The following GP5 variants were observed in gnomAD, a reference collection of about 807,000 sequenced individuals.
The protein encoded by GP5 is glycoprotein V platelet, also known as platelet glycoprotein V.
For synonymous variants in GP5, 382 were observed against 353.9 expected (o/e 1.08, Z -0.89); for missense variants, 755 against 737.1 (o/e 1.02, Z -0.28).
chr3:194,396,901 G>T lies in GP5; in HGVS notation c.1382C>A (p.Pro461Gln), dbSNP rs564652213. The T allele has an allele frequency of 4.6e-5, 69 of 1,508,232 alleles. No homozygotes were observed. The African/African-American group carries it at 5.6e-4, about 12-fold the overall frequency. 93.4% of individuals were successfully genotyped at this position (1,508,232 alleles called of 1,614,324 possible). The change falls in exon 2 of 2, where the codon CCG becomes CAG. Residue 461 changes from proline (P) to glutamine (Q), a missense_variant. Pro to Gln is a moderately conservative substitution (Grantham distance 76). Transcript: ENST00000692618. ...GTCACCCCCCGGCAGGGCCCAGAGC[G>T]GCAGGCCGGCGTGCGCCCCAGGGCC... ...CAGPGAHAGL[P>Q]LWALPGGDAE...
rs925498188 is a variant in GP5 at position 194,397,453 on chromosome 3, G to A, written c.830C>T (p.Pro277Leu). The stretch of plus-strand genomic sequence containing the variant: ...GAGCACCCCCGGGAGCTCTGCCAGC[G>A]GGTTCTCGAACAGAGTCAACAGAGT... Reference protein sequence around the residue: ...NLTLLTLFENPLAELPGVLFG... With the variant: ...NLTLLTLFENLLAELPGVLFG... Residue 277 changes from proline (P) to leucine (L), a missense_variant, in exon 2 of 2, where the codon CCG becomes CTG. Transcript: ENST00000692618. The surrounding 1 kb of genome is among the most constrained non-coding windows in gnomAD (Gnocchi z 7.2). 2 of 1,613,616 alleles carry A rather than the reference G, an allele frequency of 1.2e-6. No individual in the cohort carries two copies. Among genetic ancestry groups the A allele is most frequent in the African/African-American group, 2.7e-5 (2 of 74,922 alleles).
In GP5 at chr3:194,397,156, CGCA is replaced by C; in HGVS notation, c.1124_1126del (p.Leu375del). 1 of 1,583,022 alleles carries C rather than the reference CGCA, an allele frequency of 6.3e-7. No individual in the cohort carries two copies. The highest frequency in any genetic ancestry group is 1.1e-5 in the South Asian group (1 of 88,970). ...GCGGAAGAGGGCACGGGGCAGGGCG[CGCA>C]GCCTGTTGCGGCGCAGGGACACCTG... On this transcript the variant is annotated inframe_deletion, in exon 2 of 2. Transcript: ENST00000692618. The surrounding 1 kb of genome is among the most constrained non-coding windows in gnomAD (Gnocchi z 7.2).
In GP5 at chr3:194,397,659, A is replaced by G; in HGVS notation, c.624T>C (p.Ser208=). 6.2e-7 allele frequency: 1 copy of G among 1,614,136 alleles called. No homozygotes were observed. ...RLLLHSNRLV[S]LDSGLLNSLG... is the part of the protein sequence containing the mutation. Reference sequence around the variant, plus strand: ...GGCTGTTCAACAGCCCCGAATCCAGAGACACAAGGCGGTTCGAGTGGAGCA... The same window carrying G: ...GGCTGTTCAACAGCCCCGAATCCAGGGACACAAGGCGGTTCGAGTGGAGCA... Residue 208 remains serine (S), a synonymous_variant, in exon 2 of 2, where the codon TCT becomes TCC. Transcript: ENST00000692618. The surrounding 1 kb of genome is among the most constrained non-coding windows in gnomAD (Gnocchi z 7.2).
chr3:194,397,365 G>C lies in GP5; in HGVS notation c.918C>G (p.Pro306=). The C allele has an allele frequency of 6.2e-7, 1 of 1,606,564 alleles. No individual in the cohort carries two copies. Among genetic ancestry groups the C allele is most frequent in the Non-Finnish European group, 8.5e-7 (1 of 1,178,570 alleles). The change falls in exon 2 of 2, where the codon CCC becomes CCG. Residue 306 remains proline, a synonymous_variant. Transcript: ENST00000692618. The surrounding 1 kb of genome is among the most constrained non-coding windows in gnomAD (Gnocchi z 7.2). ...WLNRTQLRTL[P]AAAFRNLSRL... ...GGCTCAGGTTGCGGAAGGCGGCGGC[G>C]GGCAGGGTGCGCAGCTGGGTGCGGT...
rs1350254113 is a variant in GP5 at position 194,395,372 on chromosome 3, A to G, written c.*1228T>C. ...CAGCAGCTGAACTAGAATCAAGCTT[A>G]TCATTATATTCATGAATACCAGTCA... On this transcript the variant is annotated 3_prime_UTR_variant, in exon 2 of 2. Coordinates refer to ENST00000692618, the MANE Select transcript of GP5 (RefSeq NM_004488.2). 2 of 152,274 alleles carry G rather than the reference A, an allele frequency of 1.3e-5. No homozygotes were observed. Among genetic ancestry groups the G allele is most frequent in the South Asian group, 2.1e-4 (1 of 4,836 alleles). The allele number at this position is 152,274 out of a possible 1,614,324, so 9.4% of individuals were successfully genotyped here.
At position 194,398,023 on chromosome 3, in the gene GP5, G is replaced by C; in HGVS notation, c.260C>G (p.Ser87Cys). The change falls in exon 2 of 2, where the codon TCC becomes TGC. Residue 87 changes from serine to cysteine, a missense_variant. Physicochemically the swap from Ser to Cys is moderately radical, Grantham distance 112. Coordinates refer to ENST00000692618, the MANE Select transcript of GP5 (RefSeq NM_004488.2). ...ACTGAAGGTGCCGGGGGCAACGGCG[G>C]AAATGTGGCTGTCGGAGATCATGAG... is the stretch of plus-strand genomic sequence containing the variant. ...QRLMISDSHI[S>C]AVAPGTFSDL... 7 of 1,614,168 alleles carry C rather than the reference G, an allele frequency of 4.3e-6. No homozygotes were observed. Among genetic ancestry groups the C allele is most frequent in the Non-Finnish European group, 5.9e-6 (7 of 1,180,026 alleles).
Position 194,397,638 on chromosome 3 carries a change from G to A in GP5, c.645C>T (p.Asn215=). 6.2e-7 allele frequency: 1 copy of A among 1,614,118 alleles called. No homozygotes were observed. Among genetic ancestry groups the A allele is most frequent in the Non-Finnish European group, 8.5e-7 (1 of 1,179,978 alleles). ...GCAGCTCCGTCAGGGCGCCCAGGCT[G>A]TTCAACAGCCCCGAATCCAGAGACA... ...RLVSLDSGLL[N]SLGALTELQF... The change falls in exon 2 of 2, where the codon AAC becomes AAT. Residue 215 remains asparagine, a synonymous_variant. Coordinates refer to ENST00000692618, the MANE Select transcript of GP5 (RefSeq NM_004488.2). The surrounding 1 kb of genome is among the most constrained non-coding windows in gnomAD (Gnocchi z 7.2).
Position 194,395,086 on chromosome 3 carries a change from G to A in GP5, c.*1514C>T, listed in dbSNP as rs1176759170. ...GGGCTAAGTCATTATATGCTTTATT[G>A]CCTTTAATTCTCACAAAAACTCTAC... On this transcript the variant is annotated 3_prime_UTR_variant, in exon 2 of 2. Transcript: ENST00000692618. 6.6e-6 allele frequency: 1 copy of A among 152,110 alleles called. No homozygotes were observed. The highest frequency in any genetic ancestry group is 1.5e-5 in the Non-Finnish European group (1 of 68,034). The allele number at this position is 152,110 out of a possible 1,614,324, so 9.4% of individuals were successfully genotyped here. A position where few individuals can be genotyped will look rare whatever the true frequency, so the allele number is the denominator to read the frequency against.
In GP5 at chr3:194,397,196, C is replaced by A. The variant is rs772466637; in HGVS notation, c.1087G>T (p.Gly363Cys). Residue 363 changes from glycine (G) to cysteine (C), a missense_variant, in exon 2 of 2, where the codon GGC (glycine) becomes TGC (cysteine). Coordinates refer to ENST00000692618, the MANE Select transcript of GP5 (RefSeq NM_004488.2). The surrounding 1 kb of genome is among the most constrained non-coding windows in gnomAD (Gnocchi z 7.2). ...CGCAGGGACACCTGGCGCAGCTTGCCGAGGCCGCGCAGCAAGCCGTCGGGG... is the reference window on the plus strand; with the variant it reads ...CGCAGGGACACCTGGCGCAGCTTGCAGAGGCCGCGCAGCAAGCCGTCGGGG... The part of the protein sequence containing the change: ...ALPDGLLRGL[G>C]KLRQVSLRRN... 19 of 1,570,306 alleles carry A rather than the reference C, an allele frequency of 1.2e-5. No individual in the cohort carries two copies. The highest frequency in any genetic ancestry group is 1.5e-5 in the Non-Finnish European group (17 of 1,166,210).
Position 194,397,182 on chromosome 3 carries a change from C to T in GP5, c.1101G>A (p.Gln367=). 1 of 1,574,254 alleles carries T rather than the reference C, an allele frequency of 6.4e-7. No individual in the cohort carries two copies. Among genetic ancestry groups the T allele is most frequent in the Non-Finnish European group, 8.6e-7 (1 of 1,168,194 alleles). ...GLLRGLGKLR[Q]VSLRRNRLRA... is the part of the protein sequence containing the mutation. ...GCAGCCTGTTGCGGCGCAGGGACAC[C>T]TGGCGCAGCTTGCCGAGGCCGCGCA... The change falls in exon 2 of 2, where the codon CAG becomes CAA. Residue 367 remains glutamine, a synonymous_variant. Coordinates refer to ENST00000692618, the MANE Select transcript of GP5 (RefSeq NM_004488.2). This position sits in a 1 kb window ranked among gnomAD's most constrained non-coding sequence, Gnocchi z 7.2.
chr3:194,398,021 C>A lies in GP5; in HGVS notation c.262G>T (p.Ala88Ser), dbSNP rs1714513623. ...TCACTGAAGGTGCCGGGGGCAACGG[C>A]GGAAATGTGGCTGTCGGAGATCATG... ...RLMISDSHIS[A>S]VAPGTFSDLI... is the part of the protein sequence containing the mutation. Residue 88 changes from alanine (A) to serine (S), a missense_variant, in exon 2 of 2, where the codon GCC (alanine) becomes TCC (serine). Ala to Ser is a moderately conservative substitution (Grantham distance 99). Transcript: ENST00000692618. 3.1e-6 allele frequency: 5 copies of A among 1,614,118 alleles called. No homozygotes were observed. The East Asian group carries it at 1.1e-4, about 36-fold the overall frequency.
rs752627621 is a variant in GP5, at chr3:194,396,872, C to T, written c.1411G>A (p.Glu471Lys). ...GGCGGGCCCCGGGGGCCCGGGCACT[C>T]CGCGTCACCCCCCGGCAGGGCCCAG... ...PLWALPGGDA[E>K]CPGPRGPPPR... The change falls in exon 2 of 2, where the codon GAG becomes AAG. Residue 471 changes from glutamate to lysine, a missense_variant. Transcript: ENST00000692618. 3 of 1,539,194 alleles carry T rather than the reference C, an allele frequency of 1.9e-6. No individual in the cohort carries two copies. Among genetic ancestry groups the T allele is most frequent in the Admixed American group, 2.1e-5 (1 of 47,264 alleles).
chr3:194,396,443 GGGA>G lies in GP5; in HGVS notation c.*154_*156del. The G allele has an allele frequency of 1.6e-6, 1 of 617,642 alleles. No individual in the cohort carries two copies. Among genetic ancestry groups the G allele is most frequent in the Non-Finnish European group, 2.8e-6 (1 of 351,568 alleles). 38.3% of individuals were successfully genotyped at this position (617,642 alleles called of 1,614,324 possible). On this transcript the variant is annotated 3_prime_UTR_variant, in exon 2 of 2. Transcript: ENST00000692618. ...GAATGAAGAGCACAGAGCGGAGAGG[GGGA>G]GGAGGAGGGAAAGGAAGGCGTGGCA...
Position 194,396,436 on chromosome 3 carries a change from G to C in GP5, c.*164C>G, listed in dbSNP as rs568890266. On this transcript the variant is annotated 3_prime_UTR_variant, in exon 2 of 2. Transcript: ENST00000692618. ...CCTGTGAGAATGAAGAGCACAGAGC[G>C]GAGAGGGGGAGGAGGAGGGAAAGGA... 3.3e-6 allele frequency: 2 copies of C among 601,694 alleles called. No homozygotes were observed. The highest frequency in any genetic ancestry group is 2.6e-5 in the Admixed American group (1 of 38,432). 37.3% of individuals were successfully genotyped at this position (601,694 alleles called of 1,614,324 possible).
In GP5 at chr3:194,396,901, G is replaced by A. The variant is rs564652213; in HGVS notation, c.1382C>T (p.Pro461Leu). ...CAGPGAHAGL[P>L]LWALPGGDAE... ...GTCACCCCCCGGCAGGGCCCAGAGC[G>A]GCAGGCCGGCGTGCGCCCCAGGGCC... The change falls in exon 2 of 2, where the codon CCG becomes CTG. Residue 461 changes from proline (P) to leucine (L), a missense_variant. Transcript: ENST00000692618. 4.0e-6 allele frequency: 6 copies of A among 1,508,120 alleles called. No individual in the cohort carries two copies. In the South Asian group the frequency reaches 5.1e-5, roughly 13 times the overall value. 93.4% of individuals were successfully genotyped at this position (1,508,120 alleles called of 1,614,324 possible).
Position 194,396,594 on chromosome 3 carries a change from A to G in GP5, c.*6T>C. The G allele has an allele frequency of 1.3e-6, 2 of 1,597,706 alleles. No individual in the cohort carries two copies. The highest frequency in any genetic ancestry group is 1.7e-6 in the Non-Finnish European group (2 of 1,171,238). On this transcript the variant is annotated 3_prime_UTR_variant, in exon 2 of 2. Transcript: ENST00000692618. The stretch of plus-strand genomic sequence containing the variant: ...TTCTAAGTAATTAGAAGATTTTCCC[A>G]TTGGTTTACCCAAGGGCTCTCTCTC...
At position 194,397,771 on chromosome 3, in the gene GP5, T is replaced by C. The variant is rs1420125461; in HGVS notation, c.512A>G (p.Asn171Ser). ...LPASLFTNLE[N>S]LKLLDLSGNN... is the part of the protein sequence containing the mutation. Reference sequence around the variant, plus strand: ...TCCCGATAAATCCAACAACTTCAGGTTCTCCAGATTCGTGAAGAGACTGGC... The same window carrying C: ...TCCCGATAAATCCAACAACTTCAGGCTCTCCAGATTCGTGAAGAGACTGGC... The change falls in exon 2 of 2, where the codon AAC becomes AGC. Residue 171 changes from asparagine (N) to serine (S), a missense_variant. Physicochemically the swap from Asn to Ser is conservative, Grantham distance 46. Coordinates refer to ENST00000692618, the MANE Select transcript of GP5 (RefSeq NM_004488.2). This position sits in a 1 kb window ranked among gnomAD's most constrained non-coding sequence, Gnocchi z 7.2. The C allele has an allele frequency of 6.2e-7, 1 of 1,613,704 alleles. No homozygotes were observed. The highest frequency in any genetic ancestry group is 8.5e-7 in the Non-Finnish European group (1 of 1,179,840).
Position 194,397,333 on chromosome 3 carries a change from C to G in GP5, c.950G>C (p.Arg317Pro), listed in dbSNP as rs972287811. 1 of 1,598,508 alleles carries G rather than the reference C, an allele frequency of 6.3e-7. No homozygotes were observed. Among genetic ancestry groups the G allele is most frequent in the South Asian group, 1.1e-5 (1 of 90,402 alleles). Reference protein sequence around the residue: ...AAAFRNLSRLRYLGVTLSPRL... With the variant: ...AAAFRNLSRLPYLGVTLSPRL... ...CGGGCTCAGAGTCACCCCTAAGTAC[C>G]GCAGGCGGCTCAGGTTGCGGAAGGC... Residue 317 changes from arginine to proline, a missense_variant, in exon 2 of 2, where the codon CGG becomes CCG. Physicochemically the swap from Arg to Pro is moderately radical, Grantham distance 103 (BLOSUM62 -2). Transcript: ENST00000692618. This position sits in a 1 kb window ranked among gnomAD's most constrained non-coding sequence, Gnocchi z 7.2.
chr3:194,396,991 G>T lies in GP5; in HGVS notation c.1292C>A (p.Pro431His), dbSNP rs1464410784. Residue 431 changes from proline to histidine, a missense_variant, in exon 2 of 2, where the codon CCC becomes CAC. By Grantham distance (77) the Pro-to-His change is moderately conservative (BLOSUM62 -2). Coordinates refer to ENST00000692618, the MANE Select transcript of GP5 (RefSeq NM_004488.2). The part of the protein sequence containing the change: ...NSWRCDCGLG[P>H]FLGWLRQHLG... ...GTGCTGCCGCAGCCACCCCAGGAAG[G>T]GCCCCAGGCCACAGTCGCAGCGCCA... 2 of 1,591,864 alleles carry T rather than the reference G, an allele frequency of 1.3e-6. No homozygotes were observed. The highest frequency in any genetic ancestry group is 2.3e-5 in the East Asian group (1 of 44,348).
Sources: allele counts gnomAD v4.1 joint callset, GRCh38; gene constraint gnomAD v4.1.1; non-coding constraint Gnocchi (gnomAD v3.1); transcripts MANE v1.5; gene names NCBI Gene and HGNC (gene_info 2026-07-23, HGNC 2026-07-21).